Variants in PAMR1 observed in about 807,000 individuals in gnomAD.
PAMR1 encodes inactive serine protease PAMR1.
PAMR1 carries 88 observed loss-of-function variants against 81.8 expected under a neutral mutation model. The observed-to-expected ratio is 1.08, with a 90% CI of 0.91 to 1.28. The LOEUF is 1.28. Ranked by LOEUF, PAMR1 falls within the 50% of genes most tolerant of loss-of-function variation. The pLI is 0.00. For synonymous variants in PAMR1, 336 were observed against 345.3 expected, an observed-to-expected ratio of 0.97 and a Z score of 0.30; for missense variants, 935 against 919.7, an observed-to-expected ratio of 1.02 and a Z score of -0.21.
chr11:35,514,741 C>T (rs147199336), intron 1 of PAMR1, among the ~76,000 whole-genome samples: 26 of 152,306 alleles, frequency 1.7e-4, no homozygotes, highest in African/African-American at 6.0e-4. Flanking sequence ...AATCCTAGAG[C>T]TTTGGGAGGC....
chr11:35,494,147 G>T lies in PAMR1; in HGVS notation c.199C>A (p.Pro67Thr), dbSNP rs371271599. The change falls in exon 2 of 11, where the codon CCT becomes ACT. Residue 67 changes from proline (P) to threonine (T), a missense_variant. Transcript: ENST00000619888. ...TCATTCTCCTCATTCCTGCAGCAAGGGATGGTATAACCCACGACTTCCCTC... is the reference window on the plus strand; with the variant it reads ...TCATTCTCCTCATTCCTGCAGCAAGTGATGGTATAACCCACGACTTCCCTC... Reference protein sequence around the residue: ...GKREVVGYTIPCCRNEENECD... With the variant: ...GKREVVGYTITCCRNEENECD... 8 of 1,613,928 alleles carry T rather than the reference G, an allele frequency of 5.0e-6. No individual in the cohort carries two copies. Among genetic ancestry groups the T allele is most frequent in the African/African-American group, 1.3e-5 (1 of 74,914 alleles).
intron 5 of PAMR1, among the ~76,000 whole-genome samples, chr11:35,470,257 T>C (rs545329874): frequency 5.3e-5 from 8 of 152,256 alleles, no homozygotes; most frequent in African/African-American, 1.7e-4. Flanking sequence ...AAGCCAATGC[T>C]CCCAACCATG....
At chr11:35,472,663 A>T (rs1357615893) in intron 4 of PAMR1, among the ~76,000 whole-genome samples, 2 of 152,234 alleles carry the variant, frequency 1.3e-5, no homozygotes, top group African/African-American at 2.4e-5. Flanking sequence ...ATGATGCAGT[A>T]GAGCCAGCCT....
At chr11:35,470,005 T>A (rs1856822330) in intron 5 of PAMR1, among the ~76,000 whole-genome samples, 1 of 152,210 alleles carries the variant, frequency 6.6e-6, no homozygotes, top group African/African-American at 2.4e-5. Context: ...TTTACCATTA[T>A]AGTCTTTTAA....
At chr11:35,527,463 C>T (rs1851411455), upstream of PAMR1, among the ~76,000 whole-genome samples, 1 of 152,148 alleles carries the variant, frequency 6.6e-6, no homozygotes, top group African/African-American at 2.4e-5. Flanking sequence ...CTTGTTCCTA[C>T]ACTCAACTTC....
At chr11:35,472,307 A>G (rs182383825) in intron 4 of PAMR1, among the ~76,000 whole-genome samples, 1 of 152,312 alleles carries the variant, frequency 6.6e-6, no homozygotes, top group Admixed American at 6.5e-5. Context: ...AGCTGAAGAG[A>G]TAGTGCAACT....
chr11:35,459,310 T>C (rs1856602123), intron 6 of PAMR1, among the ~76,000 whole-genome samples: 1 of 152,202 alleles, frequency 6.6e-6, no homozygotes, highest in Admixed American at 6.5e-5. Context: ...AAAGTCCTAG[T>C]CATTGTATTT....
At chr11:35,494,036 T>TTCC in intron 2 of PAMR1, 60 bp downstream of exon 2, 1 of 1,369,138 alleles carries the variant, frequency 7.3e-7, no homozygotes, top group Non-Finnish European at 1.0e-6. Flanking sequence ...GTTCAGCCTG[T>TTCC]TCCTGTTCAT....
intron 1 of PAMR1, among the ~76,000 whole-genome samples, chr11:35,512,185 A>G (rs1203254337): frequency 6.6e-6 from 1 of 152,146 alleles, no homozygotes; most frequent in East Asian, 1.9e-4. Context: ...TCGAAAATGA[A>G]TGTGTTGCTT....
At chr11:35,507,591 C>T (rs1330278153) in intron 1 of PAMR1, among the ~76,000 whole-genome samples, 1 of 152,174 alleles carries the variant, frequency 6.6e-6, no homozygotes, top group Non-Finnish European at 1.5e-5. Context: ...GGTCAGAGCT[C>T]ACATATTGCC....
At chr11:35,447,435 C>T (rs1856319857) in intron 6 of PAMR1, among the ~76,000 whole-genome samples, 1 of 152,088 alleles carries the variant, frequency 6.6e-6, no homozygotes, top group Non-Finnish European at 1.5e-5. Context: ...GATCTCCTGA[C>T]CTCATGATCT....
In PAMR1 at chr11:35,432,185, C is replaced by T; in HGVS notation, c.*171G>A. 2 of 621,780 alleles carry T rather than the reference C, an allele frequency of 3.2e-6. No homozygotes were observed. The highest frequency in any genetic ancestry group is 4.0e-5 in the South Asian group (2 of 50,462). The allele number at this position is 621,780 out of a possible 1,614,324, so 38.5% of individuals were successfully genotyped here. On this transcript the variant is annotated 3_prime_UTR_variant, in exon 11 of 11. Coordinates refer to ENST00000619888, the MANE Select transcript of PAMR1 (RefSeq NM_001001991.3). ...TAGTAGTGGACGCGGCATCAGCCTA[C>T]CAGCAATGGAGGTCTACTCACCCTT...
At chr11:35,458,095 C>T (rs1856572274) in intron 6 of PAMR1, among the ~76,000 whole-genome samples, 1 of 152,094 alleles carries the variant, frequency 6.6e-6, no homozygotes, top group Admixed American at 6.5e-5. Flanking sequence ...TTTTTCTTTT[C>T]AGGAAAGGGA....
intron 1 of PAMR1, among the ~76,000 whole-genome samples, chr11:35,516,478 G>A (rs1851165531): frequency 6.6e-6 from 1 of 152,200 alleles, no homozygotes; most frequent in African/African-American, 2.4e-5. Context: ...TAAAGGAGCA[G>A]CTGATTTCAT....
At chr11:35,450,131 A>C (rs77941505) in intron 6 of PAMR1, among the ~76,000 whole-genome samples, 1 of 37,812 alleles carries the variant, frequency 2.6e-5, no homozygotes, top group South Asian at 1.1e-3. Context: ...CCTCCAGGCA[A>C]AAAAAAAAAA....
intron 1 of PAMR1, among the ~76,000 whole-genome samples, chr11:35,497,621 T>G (rs581513): frequency 0.78 from 118,727 of 152,100 alleles, 46,666 homozygotes; most frequent in Middle Eastern, 0.81. Context: ...TGGGCTTTAA[T>G]TACCCCTTAG....
intron 3 of PAMR1, among the ~76,000 whole-genome samples, chr11:35,482,833 G>A (rs1850422382): frequency 6.6e-6 from 1 of 152,080 alleles, no homozygotes; most frequent in South Asian, 2.1e-4. Context: ...TTGGCTCTCT[G>A]CTTGTCTATT....
intron 1 of PAMR1, among the ~76,000 whole-genome samples, chr11:35,524,244 A>G (rs753983338): frequency 3.3e-5 from 5 of 152,190 alleles, no homozygotes; most frequent in Non-Finnish European, 7.3e-5. Context: ...GCTGCTCCAG[A>G]CACCATGGAG....
At chr11:35,507,039 C>CCTTTTTT (rs1433957199) in intron 1 of PAMR1, among the ~76,000 whole-genome samples, 1 of 86,862 alleles carries the variant, frequency 1.2e-5, no homozygotes, top group Non-Finnish European at 2.3e-5. Flanking sequence ...AATAGCCTGA[C>CCTTTTTT]TTTTTTTTTT....
Sources: allele counts gnomAD v4.1 joint callset (sites outside exome capture counted in the v4.1 genomes callset), GRCh38; gene constraint gnomAD v4.1.1; transcripts MANE v1.5; gene names NCBI Gene and HGNC (gene_info 2026-07-23, HGNC 2026-07-21).